ST18: variants seen among roughly 807,000 people sequenced by gnomAD.
ST18 encodes the protein ST18 C2H2C-type zinc finger transcription factor.
In ST18, 50 loss-of-function variants were observed where a neutral mutation model predicts 110.0. That is an observed-to-expected ratio of 0.45 (90% CI 0.36 to 0.58). The LOEUF is 0.58. ST18 is among the 20% of genes least tolerant of loss of function. The probability of loss-of-function intolerance (pLI) is 0.00; values close to 1 mark genes in which losing one functional copy is unlikely to be tolerated. For synonymous variants in ST18, 461 were observed against 452.4 expected (o/e 1.02, Z -0.24); for missense variants, 1,306 against 1,280.1 (o/e 1.02, Z -0.31).
At chr8:52,343,869 C>T (rs954277315) in intron 2 of ST18, among the ~76,000 whole-genome samples, 11 of 152,240 alleles carry the variant, frequency 7.2e-5, no homozygotes, top group Admixed American at 2.0e-4. Context: ...ACATTTCCTG[C>T]TATTTTAAAG....
intron 2 of ST18, among the ~76,000 whole-genome samples, chr8:52,335,744 T>A (rs1373124001): frequency 6.6e-6 from 1 of 152,178 alleles, no homozygotes; most frequent in Non-Finnish European, 1.5e-5. Flanking sequence ...TACCACCTCT[T>A]GCTTTGGAAC....
chr8:52,166,936 C>T lies in ST18; in HGVS notation c.1120G>A (p.Asp374Asn). 1 of 1,612,622 alleles carries T rather than the reference C, an allele frequency of 6.2e-7. No homozygotes were observed. The highest frequency in any genetic ancestry group is 8.5e-7 in the Non-Finnish European group (1 of 1,178,856). The change falls in exon 11 of 26, where the codon GAT becomes AAT. Residue 374 changes from aspartate to asparagine, a missense_variant. Physicochemically the swap from Asp to Asn is conservative, Grantham distance 23 (BLOSUM62 1). Coordinates refer to ENST00000689386, the MANE Select transcript of ST18 (RefSeq NM_001352837.2). ...RETKCPIPGC[D>N]GTGHVTGLYP... ...AGCCCTGTCACGTGTCCCGTGCCAT[C>T]ACATCCAGGGATCGGGCACTTGGTC...
At chr8:52,253,315 ATAAC>A (rs2094406423) in intron 2 of ST18, among the ~76,000 whole-genome samples, 1 of 152,140 alleles carries the variant, frequency 6.6e-6, no homozygotes, top group East Asian at 1.9e-4. Flanking sequence ...ATTTTTCTGT[ATAAC>A]TAAGTAATAT....
chr8:52,348,506 A>T (rs1818732617), intron 2 of ST18, among the ~76,000 whole-genome samples: 1 of 152,230 alleles, frequency 6.6e-6, no homozygotes, highest in Non-Finnish European at 1.5e-5. Flanking sequence ...TAATCCCAGC[A>T]CTTCGGGAAG....
At chr8:52,137,828 C>T (rs996308545) in intron 17 of ST18, 1 of 211,784 alleles carries the variant, frequency 4.7e-6, no homozygotes, top group Non-Finnish European at 9.5e-6. Context: ...TGTTGCCGGG[C>T]ATGGTGGCTC....
intron 8 of ST18, among the ~76,000 whole-genome samples, chr8:52,192,771 G>GT (rs2074983845): frequency 6.6e-6 from 1 of 152,208 alleles, no homozygotes; most frequent in Admixed American, 6.5e-5. Flanking sequence ...TCTAGGTCCT[G>GT]TAGGTCTGAG....
At chr8:52,338,328 G>A (rs569133742) in intron 2 of ST18, among the ~76,000 whole-genome samples, 1 of 152,108 alleles carries the variant, frequency 6.6e-6, no homozygotes, top group South Asian at 2.1e-4. Context: ...AAAGTACTGG[G>A]ATTACAGGCA....
At chr8:52,176,883 T>C (rs2067163430) in intron 9 of ST18, among the ~76,000 whole-genome samples, 1 of 152,236 alleles carries the variant, frequency 6.6e-6, no homozygotes, top group African/African-American at 2.4e-5. Context: ...AAATTGGTTT[T>C]CCAGGCCTCT....
At chr8:52,194,041 AT>A (rs34683945) in intron 8 of ST18, among the ~76,000 whole-genome samples, 7,146 of 152,020 alleles carry the variant, frequency 0.047, 495 homozygotes, top group African/African-American at 0.15. Flanking sequence ...AAAGGGGAGA[AT>A]TTTTTTTCCC....
rs190293287 is a variant in ST18 at position 52,375,790 on chromosome 8, C to A, written c.-465+33538G>T. On this transcript the variant is annotated intron_variant, in intron 2 of 25. Coordinates refer to ENST00000689386, the MANE Select transcript of ST18 (RefSeq NM_001352837.2). Reference sequence around the variant, plus strand: ...TCTCCACTAGGATGTCTTGCACGCACATTAAATCAACACACCCGGACTGAG... The same window carrying A: ...TCTCCACTAGGATGTCTTGCACGCAAATTAAATCAACACACCCGGACTGAG... 3.3e-3 allele frequency among the ~76,000 whole-genome samples: 510 copies of A among 152,270 alleles called. 4 individuals are homozygous for A. The highest frequency in any genetic ancestry group is 0.012 in the African/African-American group (491 of 41,540).
chr8:52,166,424 C>G (rs975809749), intron 11 of ST18, among the ~76,000 whole-genome samples: 2 of 152,204 alleles, frequency 1.3e-5, no homozygotes, highest in African/African-American at 4.8e-5. Flanking sequence ...TACCAGACAA[C>G]TAGGGACAGC....
At chr8:52,290,165 A>T (rs146257080) in intron 2 of ST18, among the ~76,000 whole-genome samples, 1 of 152,216 alleles carries the variant, frequency 6.6e-6, no homozygotes, top group East Asian at 1.9e-4. Context: ...GCCCAGCCAC[A>T]ACCACAAATC....
intron 2 of ST18, among the ~76,000 whole-genome samples, chr8:52,322,532 A>G (rs900542543): frequency 6.6e-6 from 1 of 152,152 alleles, no homozygotes; most frequent in Non-Finnish European, 1.5e-5. Context: ...TAAGTTATAC[A>G]TAATGTGGTT....
At position 52,223,016 on chromosome 8, in the gene ST18, G is replaced by C. The variant is rs564836170; in HGVS notation, c.-418-1223C>G. ...AAATGATGTGACAAGTGAGGTGTTA[G>C]TAACCTAACGGGCTACCCAATTCTA... On this transcript the variant is annotated intron_variant, in intron 3 of 25. Coordinates refer to ENST00000689386, the MANE Select transcript of ST18 (RefSeq NM_001352837.2). 3.3e-5 allele frequency among the ~76,000 whole-genome samples: 5 copies of C among 152,318 alleles called. No individual in the cohort carries two copies. In the South Asian group the frequency reaches 1.0e-3, roughly 32 times the overall value.
At chr8:52,359,765 A>G (rs995240172) in intron 2 of ST18, among the ~76,000 whole-genome samples, 1 of 152,160 alleles carries the variant, frequency 6.6e-6, no homozygotes, top group Admixed American at 6.5e-5. Context: ...CAAAAAATAA[A>G]GCAGGGTATT....
At chr8:52,171,333 C>T (rs916618295) in intron 10 of ST18, among the ~76,000 whole-genome samples, 3 of 152,166 alleles carry the variant, frequency 2.0e-5, no homozygotes, top group East Asian at 1.9e-4. Context: ...CCAGTGAAAG[C>T]GTAGGCTCAT....
intron 17 of ST18, 55 bp downstream of exon 17, chr8:52,142,875 G>T (rs906606620): frequency 8.5e-6 from 11 of 1,289,742 alleles, no homozygotes; most frequent in Non-Finnish European, 1.2e-5. Flanking sequence ...TTTAAGTCAT[G>T]AACTTGAATC....
chr8:52,250,661 CAA>C (rs10640311), intron 2 of ST18, among the ~76,000 whole-genome samples: 2 of 142,066 alleles, frequency 1.4e-5, no homozygotes, highest in Admixed American at 7.1e-5. Context: ...AATCACCATC[CAA>C]AAAAAAAAAA....
intron 2 of ST18, among the ~76,000 whole-genome samples, chr8:52,342,320 A>C (rs1381465490): frequency 6.6e-6 from 1 of 152,218 alleles, no homozygotes; most frequent in African/African-American, 2.4e-5. Flanking sequence ...TGAAGCCAAA[A>C]GAAAGAAAAA....
Sources: allele counts gnomAD v4.1 joint callset (sites outside exome capture counted in the v4.1 genomes callset), GRCh38; gene constraint gnomAD v4.1.1; transcripts MANE v1.5; gene names NCBI Gene and HGNC (gene_info 2026-07-23, HGNC 2026-07-21).